Variants in MAP7D2 observed in about 807,000 individuals in gnomAD.
MAP7D2 encodes the protein MAP7 domain containing 2, also known as MAP7 domain-containing protein 2.
A neutral mutation model predicts 63.5 loss-of-function variants in MAP7D2; 33 were observed. That is an observed-to-expected ratio of 0.52 (90% CI 0.39 to 0.70). The LOEUF (loss-of-function observed/expected upper bound fraction) is 0.70. MAP7D2 is among the 30% of genes least tolerant of loss of function. MAP7D2 has a pLI of 0.00. For missense variants in MAP7D2, 626 were observed against 604.0 expected, an observed-to-expected ratio of 1.04 and a Z score of -0.38; for synonymous variants, 224 against 223.7, an observed-to-expected ratio of 1.00 and a Z score of -0.01.
At chrX:20,059,227 G>C (rs1043117836) in intron 3 of MAP7D2, among the ~76,000 whole-genome samples, 7 of 111,944 alleles carry the variant, frequency 6.3e-5, no homozygotes, top group Admixed American at 2.8e-4. Flanking sequence ...GATCAGGTAG[G>C]AGAATCCCCT....
At chrX:20,092,400 T>C (rs1603401158) in intron 1 of MAP7D2, among the ~76,000 whole-genome samples, 1 of 111,798 alleles carries the variant, frequency 8.9e-6, no homozygotes, top group African/African-American at 3.3e-5. Context: ...AGTTCCTTTA[T>C]GTGCCTAAAG....
chrX:20,048,934 C>CGT (rs2064870204), intron 6 of MAP7D2, among the ~76,000 whole-genome samples: 1 of 108,251 alleles, frequency 9.2e-6, no homozygotes, highest in African/African-American at 3.5e-5. Flanking sequence ...AATACATATA[C>CGT]ATATATATAC....
chrX:20,067,542 A>G (rs2065392937), intron 1 of MAP7D2, among the ~76,000 whole-genome samples: 1 of 112,020 alleles, frequency 8.9e-6, no homozygotes, highest in African/African-American at 3.2e-5. Context: ...ATGATGACAG[A>G]GGTGCTGTGA....
rs762173040 is a variant in MAP7D2, at chrX:20,025,924, G to T, written c.1036C>A (p.Pro346Thr). 1.7e-6 allele frequency: 2 copies of T among 1,211,552 alleles called. No homozygotes were observed. The highest frequency in any genetic ancestry group is 5.9e-5 in the East Asian group (2 of 33,825). The change falls in exon 9 of 17, where the codon CCA (proline) becomes ACA (threonine). Residue 346 changes from proline (P) to threonine (T), a missense_variant. Coordinates refer to ENST00000379643, the MANE Select transcript of MAP7D2 (RefSeq NM_001168465.2). ...KTATKAYPQS[P>T]KTTKPPYPGS... ...GGGTAGGGAGGTTTCGTTGTCTTTG[G>T]AGACTGTGGATAAGCTTTAGTAGCT...
intron 8 of MAP7D2, 105 bp from the exon 9 acceptor site, chrX:20,026,057 A>T: frequency 4.4e-6 from 4 of 918,245 alleles, no homozygotes; most frequent in African/African-American, 2.0e-5. Flanking sequence ...TCATCCTTCC[A>T]GAGGAAGGAA....
intron 10 of MAP7D2, among the ~76,000 whole-genome samples, chrX:20,019,957 C>T (rs2073578235): frequency 1.8e-5 from 2 of 112,046 alleles, no homozygotes; most frequent in South Asian, 7.4e-4. Context: ...TGGTTATCTG[C>T]CTGCTGGCAA....
At position 20,024,936 on chromosome X, in the gene MAP7D2, T is replaced by G; in HGVS notation, c.1412+15A>C. 1.7e-6 allele frequency: 2 copies of G among 1,205,744 alleles called. No homozygotes were observed. ...GTTACATGAGATCACACCGAAATTCTGAGCACTAGCATACCTATCTTGTTC... is the reference window on the plus strand; with the variant it reads ...GTTACATGAGATCACACCGAAATTCGGAGCACTAGCATACCTATCTTGTTC... On this transcript the variant is annotated intron_variant, in intron 10 of 16. Coordinates refer to ENST00000379643, the MANE Select transcript of MAP7D2 (RefSeq NM_001168465.2).
rs776645003 is a variant in MAP7D2, at chrX:20,013,058, T to C, written c.1881A>G (p.Lys627=). The change falls in exon 14 of 17, where the codon AAA becomes AAG. Residue 627 remains lysine (K), a synonymous_variant. Transcript: ENST00000379643. ...EKKTKLVVPN[K]MEINGLNTCQ... ...AGAACCAGATGTCACACTCACCCATTTTGTTGGGGACAACCAGTTTTGTCT... is the reference window on the plus strand; with the variant it reads ...AGAACCAGATGTCACACTCACCCATCTTGTTGGGGACAACCAGTTTTGTCT... 10 of 1,207,155 alleles carry C rather than the reference T, an allele frequency of 8.3e-6. No homozygotes were observed. In the Admixed American group the frequency reaches 2.2e-4, roughly 26 times the overall value.
chrX:20,016,061 C>T (rs1283697081), intron 11 of MAP7D2, 33 bp downstream of exon 11: 1 of 1,140,288 alleles, frequency 8.8e-7, no homozygotes, highest in East Asian at 3.0e-5. Flanking sequence ...CCTTAAAAAA[C>T]AAGTAAAGTC....
At chrX:20,054,480 A>G (rs1296198193) in intron 4 of MAP7D2, among the ~76,000 whole-genome samples, 1 of 110,301 alleles carries the variant, frequency 9.1e-6, no homozygotes, top group Non-Finnish European at 1.9e-5. Flanking sequence ...GATTTTTGGC[A>G]CTCCCTTAAA....
intron 10 of MAP7D2, among the ~76,000 whole-genome samples, chrX:20,024,469 C>T (rs1011550642): frequency 8.9e-6 from 1 of 112,274 alleles, no homozygotes; most frequent in Non-Finnish European, 1.9e-5. Context: ...ACACACAACC[C>T]TATGCCTAGG....
chrX:20,063,113 G>A (rs2065262388), intron 3 of MAP7D2, among the ~76,000 whole-genome samples: 1 of 111,450 alleles, frequency 9.0e-6, no homozygotes, highest in Non-Finnish European at 1.9e-5. Flanking sequence ...AAGAGGCATT[G>A]GAGACTGCCA....
At chrX:20,084,242 G>A (rs2065850090) in intron 1 of MAP7D2, among the ~76,000 whole-genome samples, 1 of 108,277 alleles carries the variant, frequency 9.2e-6, no homozygotes, top group Non-Finnish European at 1.9e-5. Flanking sequence ...AGTGAGTAGT[G>A]CCAAGGGTAA....
At chrX:20,103,374 C>T (rs772616877) in intron 1 of MAP7D2, among the ~76,000 whole-genome samples, 1 of 111,523 alleles carries the variant, frequency 9.0e-6, no homozygotes, top group Admixed American at 9.6e-5. Flanking sequence ...TCCAGGGCCA[C>T]CACGGAGCCA....
At chrX:20,022,292 GAGTAAGAGGCA>G (rs2073681496) in intron 10 of MAP7D2, among the ~76,000 whole-genome samples, 1 of 111,935 alleles carries the variant, frequency 8.9e-6, no homozygotes, top group Admixed American at 9.5e-5. Context: ...GGAAAGCAAG[GAGTAAGAGGCA>G]GGTAGTGGTC....
intron 1 of MAP7D2, among the ~76,000 whole-genome samples, chrX:20,065,201 G>C (rs1297932257): frequency 9.0e-6 from 1 of 110,995 alleles, no homozygotes; most frequent in Non-Finnish European, 1.9e-5. Context: ...CTGGGGGAGA[G>C]GAGAAGCACA....
In MAP7D2 at chrX:20,111,584, G is replaced by A. The variant is rs757509196; in HGVS notation, c.130+5166C>T. On this transcript the variant is annotated intron_variant, in intron 1 of 16. Coordinates refer to ENST00000379643, the MANE Select transcript of MAP7D2 (RefSeq NM_001168465.2). ...CTCGTGGTCTCTATATAGACAGATG[G>A]GTAGTTGTGAGGCCGGGGGAATGAA... is the stretch of plus-strand genomic sequence containing the variant. Among the ~76,000 whole-genome samples the A allele has an allele frequency of 3.6e-5, 4 of 111,579 alleles. No homozygotes were observed. In the East Asian group the frequency reaches 1.1e-3, roughly 31 times the overall value.
At chrX:20,095,940 G>A (rs2066245352) in intron 1 of MAP7D2, among the ~76,000 whole-genome samples, 1 of 108,800 alleles carries the variant, frequency 9.2e-6, no homozygotes, top group African/African-American at 3.3e-5. Flanking sequence ...AAATTAGCCA[G>A]GCATGGTGGT....
chrX:20,114,579 G>C (rs1028331848), intron 1 of MAP7D2, among the ~76,000 whole-genome samples: 10 of 112,318 alleles, frequency 8.9e-5, no homozygotes, highest in African/African-American at 1.3e-4. Context: ...GCATCACTAG[G>C]GGGTAATGGG....
Sources: allele counts gnomAD v4.1 joint callset (sites outside exome capture counted in the v4.1 genomes callset), GRCh38; gene constraint gnomAD v4.1.1; transcripts MANE v1.5; gene names NCBI Gene and HGNC (gene_info 2026-07-23, HGNC 2026-07-21).